WDR44: variants seen among roughly 807,000 people sequenced by gnomAD.
WDR44 encodes the protein WD repeat-containing protein 44.
WDR44 carries 9 observed loss-of-function variants against 65.7 expected under a neutral mutation model. That is an observed-to-expected ratio of 0.14 (90% CI 0.08 to 0.24). The LOEUF is 0.24. Among genes scored for constraint, WDR44 ranks in the 10% least tolerant of loss-of-function variants. WDR44 has a pLI of 1.00. For synonymous variants in WDR44, 220 were observed against 235.2 expected (o/e 0.94, Z 0.59); for missense variants, 425 against 670.9 (o/e 0.63, Z 4.05).
At chrX:118,367,524 A>G (rs1401329279) in intron 1 of WDR44, among the ~76,000 whole-genome samples, 1 of 111,749 alleles carries the variant, frequency 8.9e-6, no homozygotes, top group African/African-American at 3.3e-5. Context: ...CTACCTACCT[A>G]TGTGAAACCA....
intron 12 of WDR44, among the ~76,000 whole-genome samples, chrX:118,429,506 T>G (rs1278646191): frequency 9.3e-6 from 1 of 107,923 alleles, no homozygotes; most frequent in African/African-American, 3.4e-5. Flanking sequence ...GGAGGATTGC[T>G]TGAACCCAGG....
chrX:118,404,273 A>C, intron 8 of WDR44, 65 bp from the exon 9 acceptor site: 14 of 826,441 alleles, frequency 1.7e-5, no homozygotes, highest in Non-Finnish European at 2.5e-5. Context: ...CAGCTGATAC[A>C]TTTGTCTGCA....
Position 118,446,454 on chromosome X carries a change from G to A in WDR44, c.2647+1960G>A, listed in dbSNP as rs769132437. ...ATGATTCTTTTTTAATTTTTAAATC[G>A]ATTGCATAATAGTTTATTGACTGTA... On this transcript the variant is annotated intron_variant, in intron 19 of 19. Coordinates refer to ENST00000254029, the MANE Select transcript of WDR44 (RefSeq NM_019045.5). Among the ~76,000 whole-genome samples the A allele has an allele frequency of 1.5e-3, 165 of 111,516 alleles. 1 individual carries two copies. The highest frequency in any genetic ancestry group is 4.6e-3 in the Middle Eastern group (1 of 216).
Position 118,414,257 on chromosome X carries a change from C to CTT in WDR44, c.1737+3316_1737+3317dup, listed in dbSNP as rs565805780. 7.6e-3 allele frequency among the ~76,000 whole-genome samples: 357 copies of CTT among 46,673 alleles called. 6 individuals carry two copies. Among genetic ancestry groups the CTT allele is most frequent in the African/African-American group, 0.021 (270 of 13,012 alleles). The allele number at this position is 46,673 out of a possible 115,157, so 40.5% of individuals were successfully genotyped here. ...GGGGATTGCGTTGAACTTGCGATTG[C>CTT]TTTTTTTTTTTTTTTTTTTATGTTC... On this transcript the variant is annotated intron_variant, in intron 12 of 19. Coordinates refer to ENST00000254029, the MANE Select transcript of WDR44 (RefSeq NM_019045.5).
At chrX:118,373,513 T>A (rs2056631962) in intron 1 of WDR44, among the ~76,000 whole-genome samples, 1 of 112,158 alleles carries the variant, frequency 8.9e-6, no homozygotes, top group Non-Finnish European at 1.9e-5. Context: ...CAATTAGGTG[T>A]TAATTGTAGT....
chrX:118,406,118 A>G (rs1204025888), intron 9 of WDR44, among the ~76,000 whole-genome samples: 1 of 112,009 alleles, frequency 8.9e-6, no homozygotes, highest in African/African-American at 3.2e-5. Context: ...CCAACCTGAG[A>G]CCCTGTCTTT....
At position 118,397,377 on chromosome X, in the gene WDR44, G is replaced by A. The variant is rs190712070; in HGVS notation, c.1190+271G>A. Reference sequence around the variant, plus strand: ...TTATACTTGAGACAATATAAAAACAGTGAGGCAGCCAGGCGTGATAGTTCA... The same window carrying A: ...TTATACTTGAGACAATATAAAAACAATGAGGCAGCCAGGCGTGATAGTTCA... On this transcript the variant is annotated intron_variant, in intron 7 of 19. Coordinates refer to ENST00000254029, the MANE Select transcript of WDR44 (RefSeq NM_019045.5). 1.5e-4 allele frequency among the ~76,000 whole-genome samples: 17 copies of A among 111,091 alleles called. No homozygotes were observed. The East Asian group carries it at 4.8e-3, about 31-fold the overall frequency.
At chrX:118,366,006 A>G (rs994659309) in intron 1 of WDR44, among the ~76,000 whole-genome samples, 5 of 111,913 alleles carry the variant, frequency 4.5e-5, no homozygotes, top group African/African-American at 9.7e-5. Flanking sequence ...TGAGCTCTGC[A>G]AATTCTCAGA....
intron 10 of WDR44, among the ~76,000 whole-genome samples, chrX:118,408,913 T>C (rs960880614): frequency 8.9e-6 from 1 of 111,754 alleles, no homozygotes; most frequent in Admixed American, 9.5e-5. Flanking sequence ...TTTCTGTTAA[T>C]ATGTGGACAG....
chrX:118,405,479 A>G (rs912143203), intron 9 of WDR44, among the ~76,000 whole-genome samples: 4 of 110,752 alleles, frequency 3.6e-5, no homozygotes, highest in African/African-American at 1.3e-4. Flanking sequence ...AGCTGGGATT[A>G]CAGGCACCTG....
chrX:118,413,825 G>A (rs1455839211), intron 12 of WDR44, among the ~76,000 whole-genome samples: 34 of 111,689 alleles, frequency 3.0e-4, no homozygotes, highest in Non-Finnish European at 3.8e-5. Flanking sequence ...TCTTAGATTC[G>A]AGTCCTTAAT....
intron 11 of WDR44, among the ~76,000 whole-genome samples, chrX:118,409,859 C>T (rs1196914338): frequency 8.9e-6 from 1 of 112,047 alleles, no homozygotes; most frequent in Non-Finnish European, 1.9e-5. Context: ...TTAATTTCAT[C>T]AACTATTGAG....
intron 1 of WDR44, among the ~76,000 whole-genome samples, chrX:118,354,651 A>G (rs1474129895): frequency 2.7e-5 from 3 of 111,211 alleles, no homozygotes; most frequent in Admixed American, 9.7e-5. Context: ...GTTCTGGGGT[A>G]CATGTGCAGA....
At chrX:118,384,376 A>G (rs1004078365) in intron 2 of WDR44, among the ~76,000 whole-genome samples, 1 of 112,057 alleles carries the variant, frequency 8.9e-6, no homozygotes, top group African/African-American at 3.2e-5. Context: ...ATTTCGAACG[A>G]TAAGTGCAAT....
chrX:118,361,262 A>G (rs1569356900), intron 1 of WDR44, among the ~76,000 whole-genome samples: 1 of 111,740 alleles, frequency 8.9e-6, no homozygotes, highest in African/African-American at 3.3e-5. Context: ...TAGTCTACAC[A>G]CTGATTCCTT....
Position 118,346,490 on chromosome X carries a change from G to C in WDR44, c.-14G>C, listed in dbSNP as rs1183652522. On this transcript the variant is annotated 5_prime_UTR_variant, in exon 1 of 20. Coordinates refer to ENST00000254029, the MANE Select transcript of WDR44 (RefSeq NM_019045.5). ...GGCGGCGCCGGCCCCCTCACCCGCG[G>C]GTGTGTCCTATAAATGGCGTCGGAA... 1 of 1,207,249 alleles carries C rather than the reference G, an allele frequency of 8.3e-7. No individual in the cohort carries two copies. Among genetic ancestry groups the C allele is most frequent in the South Asian group, 1.8e-5 (1 of 56,817 alleles).
intron 2 of WDR44, among the ~76,000 whole-genome samples, chrX:118,381,404 G>A (rs1163796918): frequency 3.6e-5 from 4 of 109,605 alleles, no homozygotes; most frequent in Non-Finnish European, 5.7e-5. Flanking sequence ...GAGAGGCTGA[G>A]GTTGCAGTGA....
At chrX:118,447,674 C>T (rs1211685145) in intron 19 of WDR44, among the ~76,000 whole-genome samples, 1 of 109,310 alleles carries the variant, frequency 9.1e-6, no homozygotes, top group African/African-American at 3.3e-5. Flanking sequence ...TCACTTGAGA[C>T]CAGGAGTTTG....
At position 118,418,357 on chromosome X, in the gene WDR44, G is replaced by A. The variant is rs773474311; in HGVS notation, c.1737+7398G>A. On this transcript the variant is annotated intron_variant, in intron 12 of 19. Transcript: ENST00000254029. The stretch of plus-strand genomic sequence containing the variant: ...GGGCTGAAGGCTGTTGTTCAGATTC[G>A]TTTGTCCCACTGGGTGTTCCCTTGA... Among the ~76,000 whole-genome samples, 4 of 111,545 alleles carry A rather than the reference G, an allele frequency of 3.6e-5. No individual in the cohort carries two copies. The South Asian group carries it at 1.5e-3, about 42-fold the overall frequency.
Sources: allele counts gnomAD v4.1 joint callset (sites outside exome capture counted in the v4.1 genomes callset), GRCh38; gene constraint gnomAD v4.1.1; transcripts MANE v1.5; gene names NCBI Gene and HGNC (gene_info 2026-07-23, HGNC 2026-07-21).